MYO9A: variants seen among roughly 807,000 people sequenced by gnomAD.
MYO9A encodes unconventional myosin-IXa.
MYO9A carries 103 observed loss-of-function variants against 293.3 expected under a neutral mutation model. The observed-to-expected ratio is 0.35, with a 90% CI of 0.30 to 0.41. The LOEUF (loss-of-function observed/expected upper bound fraction) is 0.41. Among genes scored for constraint, MYO9A ranks in the 10% least tolerant of loss-of-function variants. MYO9A has a pLI of 1.00. For missense variants in MYO9A, 2,685 were observed against 3,033.0 expected (o/e 0.89, Z 2.69); for synonymous variants, 1,001 against 1,035.7 (o/e 0.97, Z 0.64).
chr15:72,097,372 G>A lies in MYO9A; in HGVS notation c.-72+20308C>T, dbSNP rs150114901. Reference sequence around the variant, plus strand: ...CAATTCAATGAAGGCTCAGATGACCGATGACCGTTAGCATTTTTTTAATAT... The same window carrying A: ...CAATTCAATGAAGGCTCAGATGACCAATGACCGTTAGCATTTTTTTAATAT... On this transcript the variant is annotated intron_variant, in intron 1 of 41. Coordinates refer to ENST00000356056, the MANE Select transcript of MYO9A (RefSeq NM_006901.4). 1.4e-3 allele frequency among the ~76,000 whole-genome samples: 210 copies of A among 152,300 alleles called. 1 individual carries two copies. Among genetic ancestry groups the A allele is most frequent in the African/African-American group, 4.8e-3 (201 of 41,562 alleles).
intron 19 of MYO9A, among the ~76,000 whole-genome samples, chr15:71,909,155 C>A (rs2144284760): frequency 6.6e-6 from 1 of 152,294 alleles, no homozygotes; most frequent in African/African-American, 2.4e-5. Context: ...CATTCACCTA[C>A]TGAAGGACAT....
intron 8 of MYO9A, among the ~76,000 whole-genome samples, chr15:72,004,572 A>G (rs2076964957): frequency 6.6e-6 from 1 of 152,154 alleles, no homozygotes; most frequent in Admixed American, 6.5e-5. Context: ...AAACAACAAA[A>G]AAAAACCCTA....
At position 71,967,966 on chromosome 15, in the gene MYO9A, A is replaced by C. The variant is rs2075918518; in HGVS notation, c.1986+18T>G. 6.3e-7 allele frequency: 1 copy of C among 1,596,274 alleles called. No individual in the cohort carries two copies. The highest frequency in any genetic ancestry group is 8.5e-7 in the Non-Finnish European group (1 of 1,171,066). On this transcript the variant is annotated intron_variant, in intron 13 of 41. Coordinates refer to ENST00000356056, the MANE Select transcript of MYO9A (RefSeq NM_006901.4). ...ACATCTCTGCCCTGTAAGCATATTC[A>C]GTGAGAAATTTACTGACCTTTACCC...
At chr15:71,897,388 A>C in intron 25 of MYO9A, 73 bp downstream of exon 25, 7 of 1,439,960 alleles carry the variant, frequency 4.9e-6, no homozygotes, top group Non-Finnish European at 6.5e-6. Context: ...AAATAGTTGG[A>C]GCAGAACAAG....
intron 1 of MYO9A, among the ~76,000 whole-genome samples, chr15:72,087,142 C>T (rs2079764149): frequency 6.6e-6 from 1 of 152,136 alleles, no homozygotes; most frequent in South Asian, 2.1e-4. Flanking sequence ...TGATGCAGGT[C>T]CCCAGGGTAC....
intron 39 of MYO9A, among the ~76,000 whole-genome samples, chr15:71,830,719 C>T (rs1227212235): frequency 1.3e-5 from 2 of 151,834 alleles, no homozygotes; most frequent in Admixed American, 6.6e-5. Context: ...AGCTTGTGAC[C>T]CCCACACTGA....
At chr15:72,057,784 A>G (rs2078762968) in intron 1 of MYO9A, among the ~76,000 whole-genome samples, 1 of 152,234 alleles carries the variant, frequency 6.6e-6, no homozygotes, top group South Asian at 2.1e-4. Flanking sequence ...ACACACAGCA[A>G]AATCTTATCA....
At chr15:71,939,001 G>T in intron 15 of MYO9A, 74 bp from the exon 16 acceptor site, 1 of 1,178,952 alleles carries the variant, frequency 8.5e-7, no homozygotes. Context: ...TTTTTCTAAA[G>T]ACAAACGAAA....
Position 72,046,631 on chromosome 15 carries a change from A to T in MYO9A, c.-68T>A. The T allele has an allele frequency of 8.2e-6, 12 of 1,466,726 alleles. No individual in the cohort carries two copies. The South Asian group carries it at 1.6e-4, about 19-fold the overall frequency. 90.9% of individuals were successfully genotyped at this position (1,466,726 alleles called of 1,614,324 possible). ...TCGTGCAAACCATTTTCTTGGTAAA[A>T]TAACTGTAACATAAAAGATGCAAAA... On this transcript the variant is annotated 5_prime_UTR_variant, in exon 2 of 42. Coordinates refer to ENST00000356056, the MANE Select transcript of MYO9A (RefSeq NM_006901.4).
intron 1 of MYO9A, among the ~76,000 whole-genome samples, chr15:72,115,127 T>C (rs1324324017): frequency 1.3e-5 from 2 of 152,242 alleles, no homozygotes; most frequent in Non-Finnish European, 2.9e-5. Flanking sequence ...TCACTGTTAA[T>C]GCTTAAACTA....
chr15:71,898,042 A>T lies in MYO9A; in HGVS notation c.4461T>A (p.Leu1487=). 6.2e-7 allele frequency: 1 copy of T among 1,614,100 alleles called. No individual in the cohort carries two copies. The highest frequency in any genetic ancestry group is 8.5e-7 in the Non-Finnish European group (1 of 1,180,028). The change falls in exon 25 of 42, where the codon CTT becomes CTA. Residue 1487 remains leucine, a synonymous_variant. Transcript: ENST00000356056. ...CAGTGTTTAGCTTTTCTAACTTCTTAAGCACAGGATTAGAAGACTCTGTAT... is the reference window on the plus strand; with the variant it reads ...CAGTGTTTAGCTTTTCTAACTTCTTTAGCACAGGATTAGAAGACTCTGTAT... ...SLNTESSNPV[L]KKLEKLNTEK... is the part of the protein sequence containing the mutation.
chr15:71,915,918 A>T (rs1271342948), intron 19 of MYO9A, among the ~76,000 whole-genome samples: 2 of 152,170 alleles, frequency 1.3e-5, no homozygotes, highest in African/African-American at 4.8e-5. Context: ...TATTCCTAAA[A>T]GCCCCAAAAA....
rs372479108 is a variant in MYO9A, at chr15:72,066,315, G to A, written c.-71-19681C>T. 2.7e-4 allele frequency among the ~76,000 whole-genome samples: 41 copies of A among 152,030 alleles called. No homozygotes were observed. In the East Asian group the frequency reaches 7.3e-3, roughly 27 times the overall value. ...CATCCTAGCCAACATGGTGAAACCCGCCTCTACTAAAACTACAATAATTAG... is the reference window on the plus strand; with the variant it reads ...CATCCTAGCCAACATGGTGAAACCCACCTCTACTAAAACTACAATAATTAG... On this transcript the variant is annotated intron_variant, in intron 1 of 41. Transcript: ENST00000356056.
In MYO9A at chr15:71,897,949, C is replaced by T. The variant is rs776715628; in HGVS notation, c.4554G>A (p.Gln1518=). 2 of 1,614,174 alleles carry T rather than the reference C, an allele frequency of 1.2e-6. No homozygotes were observed. Among genetic ancestry groups the T allele is most frequent in the Non-Finnish European group, 1.7e-6 (2 of 1,180,038 alleles). ...NEKEMMEQIR[Q]QTDILEKERK... ...GCTCCTTCTCTAAAATATCTGTTTG[C>T]TGGCGAATCTGTTCCATCATCTCTT... is the stretch of plus-strand genomic sequence containing the variant. The change falls in exon 25 of 42, where the codon CAG becomes CAA. Residue 1518 remains glutamine, a synonymous_variant. Transcript: ENST00000356056.
intron 19 of MYO9A, among the ~76,000 whole-genome samples, chr15:71,913,985 A>T (rs2057935494): frequency 6.6e-6 from 1 of 152,144 alleles, no homozygotes; most frequent in African/African-American, 2.4e-5. Flanking sequence ...GATTAGAATA[A>T]TCATTCTTTC....
In MYO9A at chr15:71,822,646, T is replaced by G. The variant is rs182190206; in HGVS notation, c.*3934A>C. The G allele has an allele frequency of 3.4e-4, 52 of 152,280 alleles. No homozygotes were observed. The East Asian group carries it at 9.5e-3, about 28-fold the overall frequency. 9.4% of individuals were successfully genotyped at this position (152,280 alleles called of 1,614,324 possible). A position where few individuals can be genotyped will look rare whatever the true frequency, so the allele number is the denominator to read the frequency against. The stretch of plus-strand genomic sequence containing the variant: ...ATAAATTACTTAAAATCCATTAAAA[T>G]AATATAATACGAATCTGTAGTCCAC... On this transcript the variant is annotated 3_prime_UTR_variant, in exon 42 of 42. Coordinates refer to ENST00000356056, the MANE Select transcript of MYO9A (RefSeq NM_006901.4).
rs1271097171 is a variant in MYO9A, at chr15:72,059,051, T to C, written c.-71-12417A>G. On this transcript the variant is annotated intron_variant, in intron 1 of 41. Coordinates refer to ENST00000356056, the MANE Select transcript of MYO9A (RefSeq NM_006901.4). ...TTAAAATCTTTATCAAATGTTAATA[T>C]GAAGGGAGGCACAGGATGCAACATA... Among the ~76,000 whole-genome samples the C allele has an allele frequency of 3.9e-5, 6 of 152,336 alleles. No homozygotes were observed. The East Asian group carries it at 1.2e-3, about 29-fold the overall frequency.
chr15:72,026,318 C>T (rs1029802277), intron 4 of MYO9A, among the ~76,000 whole-genome samples: 2 of 147,152 alleles, frequency 1.4e-5, no homozygotes, highest in African/African-American at 5.0e-5. Context: ...AATCACATTT[C>T]CAAAATACAA....
At chr15:71,840,927 A>G (rs2055135769) in intron 39 of MYO9A, among the ~76,000 whole-genome samples, 1 of 152,180 alleles carries the variant, frequency 6.6e-6, no homozygotes, top group Non-Finnish European at 1.5e-5. Context: ...CGCCGTGCCC[A>G]GCCTTAAGGC....
Sources: gnomAD v4.1 joint callset for allele counts (sites outside exome capture counted in the v4.1 genomes callset) on GRCh38, gnomAD v4.1.1 for gene constraint, MANE v1.5 for transcripts, NCBI Gene and HGNC (gene_info 2026-07-23, HGNC 2026-07-21) for gene names.